The following LSAMP variants were observed in gnomAD, a reference collection of about 807,000 sequenced individuals.
The protein encoded by LSAMP is limbic system-associated membrane protein.
LSAMP carries 7 observed loss-of-function variants against 38.6 expected under a neutral mutation model. The ratio of observed to expected loss-of-function variants is 0.18; its 90% CI spans 0.10 to 0.34. The LOEUF (loss-of-function observed/expected upper bound fraction) is 0.34. LSAMP is among the 10% of genes least tolerant of loss of function. LSAMP has a pLI of 1.00. For missense variants in LSAMP, 313 were observed against 420.0 expected (o/e 0.75, Z 2.23); for synonymous variants, 154 against 166.8 (o/e 0.92, Z 0.59).
chr3:116,078,673 A>C (rs1430379366), intron 2 of LSAMP, among the ~76,000 whole-genome samples: 1 of 152,134 alleles, frequency 6.6e-6, no homozygotes, highest in Non-Finnish European at 1.5e-5. Context: ...TCAGAATTGT[A>C]ATATATTGTA....
chr3:116,314,645 G>A (rs937625959), intron 1 of LSAMP, among the ~76,000 whole-genome samples: 1 of 152,154 alleles, frequency 6.6e-6, no homozygotes, highest in African/African-American at 2.4e-5. Context: ...AGACAGATAA[G>A]GTAGTTCCAG....
intron 1 of LSAMP, among the ~76,000 whole-genome samples, chr3:116,208,807 G>C (rs1021416154): frequency 6.6e-6 from 1 of 152,192 alleles, no homozygotes; most frequent in African/African-American, 2.4e-5. Context: ...CTTCAGAGCT[G>C]TCAGACAGGG....
At chr3:115,845,971 A>T (rs971467469) in intron 4 of LSAMP, among the ~76,000 whole-genome samples, 4 of 152,160 alleles carry the variant, frequency 2.6e-5, no homozygotes, top group Non-Finnish European at 4.4e-5. Flanking sequence ...AATACTGATA[A>T]ATATACAAAG....
At chr3:116,436,038 T>C (rs1047172778) in intron 1 of LSAMP, among the ~76,000 whole-genome samples, 5 of 152,170 alleles carry the variant, frequency 3.3e-5, no homozygotes, top group African/African-American at 7.2e-5. Flanking sequence ...GTGATCCTTA[T>C]AGAGGTTCTA....
chr3:116,225,981 G>A (rs1043851668), intron 1 of LSAMP, among the ~76,000 whole-genome samples: 3 of 152,038 alleles, frequency 2.0e-5, no homozygotes, highest in Admixed American at 6.6e-5. Context: ...TATGTTCTGT[G>A]CATCTTTCTG....
At chr3:115,870,256 T>C (rs1935994308) in intron 3 of LSAMP, among the ~76,000 whole-genome samples, 2 of 152,150 alleles carry the variant, frequency 1.3e-5, no homozygotes, top group South Asian at 2.1e-4. Context: ...TAACCCATGG[T>C]GTAGAGGAAC....
At chr3:116,022,113 T>A (rs1348131918) in intron 2 of LSAMP, among the ~76,000 whole-genome samples, 1 of 152,158 alleles carries the variant, frequency 6.6e-6, no homozygotes, top group Non-Finnish European at 1.5e-5. Context: ...TCTCTTTCAA[T>A]GGGTCTTACT....
rs146946044 is a variant in LSAMP at position 116,104,063 on chromosome 3, G to C, written c.156-17507C>G. Among the ~76,000 whole-genome samples the C allele has an allele frequency of 3.9e-3, 599 of 152,210 alleles. 3 individuals carry two copies. Among genetic ancestry groups the C allele is most frequent in the African/African-American group, 0.014 (580 of 41,528 alleles). ...ATTAAGTAGAAAGCTTTCTCTAAGT[G>C]AGCCCACGTAGATTTCTTTCCCCAT... On this transcript the variant is annotated intron_variant, in intron 1 of 6. Transcript: ENST00000490035.
chr3:116,312,918 C>A (rs1391819301), intron 1 of LSAMP, among the ~76,000 whole-genome samples: 1 of 151,952 alleles, frequency 6.6e-6, no homozygotes, highest in Non-Finnish European at 1.5e-5. Flanking sequence ...GCATTCCACT[C>A]ATGACATTGC....
At chr3:116,013,543 A>G (rs1025275690) in intron 3 of LSAMP, among the ~76,000 whole-genome samples, 3 of 152,200 alleles carry the variant, frequency 2.0e-5, no homozygotes, top group African/African-American at 7.2e-5. Context: ...GGGAAAGTAT[A>G]TAACTTTCTC....
chr3:116,076,288 C>T (rs893558256), intron 2 of LSAMP, among the ~76,000 whole-genome samples: 2 of 151,952 alleles, frequency 1.3e-5, no homozygotes, highest in Non-Finnish European at 2.9e-5. Context: ...GACGGAGTCT[C>T]GCTCTGTCAC....
In LSAMP at chr3:116,086,308, C is replaced by G. The variant is rs745680639; in HGVS notation, c.388+16G>C. ...CACCTCTTTCTTACCACCCTTCTAT[C>G]CCACACTTTCCTTACCTTGTACGAT... On this transcript the variant is annotated intron_variant, in intron 2 of 6. Coordinates refer to ENST00000490035, the MANE Select transcript of LSAMP (RefSeq NM_002338.5). 1 of 1,602,292 alleles carries G rather than the reference C, an allele frequency of 6.2e-7. No homozygotes were observed. Among genetic ancestry groups the G allele is most frequent in the South Asian group, 1.1e-5 (1 of 90,792 alleles).
At chr3:116,201,318 A>G (rs1204604319) in intron 1 of LSAMP, among the ~76,000 whole-genome samples, 1 of 152,100 alleles carries the variant, frequency 6.6e-6, no homozygotes, top group Admixed American at 6.5e-5. Flanking sequence ...TCCTCTTTAC[A>G]CCAAGCTCAT....
chr3:115,897,979 C>A (rs1000052679), intron 3 of LSAMP, among the ~76,000 whole-genome samples: 1 of 152,106 alleles, frequency 6.6e-6, no homozygotes, highest in East Asian at 1.9e-4. Context: ...CAGCTTTCCA[C>A]GCTGAATTCA....
At chr3:116,030,282 T>G (rs1036205499) in intron 2 of LSAMP, among the ~76,000 whole-genome samples, 4 of 152,164 alleles carry the variant, frequency 2.6e-5, no homozygotes, top group African/African-American at 9.6e-5. Flanking sequence ...GTGTCCATTA[T>G]TGCTGCTTCA....
intron 1 of LSAMP, among the ~76,000 whole-genome samples, chr3:116,301,876 C>T (rs999924312): frequency 6.6e-6 from 1 of 152,282 alleles, no homozygotes; most frequent in Non-Finnish European, 1.5e-5. Context: ...CTTAATCGCT[C>T]CTCCCAGTGA....
intron 1 of LSAMP, among the ~76,000 whole-genome samples, chr3:116,339,200 C>A (rs889965832): frequency 6.6e-6 from 1 of 151,934 alleles, no homozygotes; most frequent in East Asian, 1.9e-4. Context: ...GTAAGTAAAA[C>A]TTGGTGCGTA....
intron 3 of LSAMP, among the ~76,000 whole-genome samples, chr3:115,981,943 A>G (rs999064993): frequency 6.6e-6 from 1 of 152,216 alleles, no homozygotes; most frequent in African/African-American, 2.4e-5. Context: ...AAGGGTAAAA[A>G]TGACAAGAGT....
intron 6 of LSAMP, among the ~76,000 whole-genome samples, chr3:115,818,788 T>TATATATATATATATATATA (rs1559834667): frequency 8.0e-5 from 2 of 24,990 alleles, no homozygotes; most frequent in African/African-American, 9.6e-5. Flanking sequence ...AAAGTTGTAC[T>TATATATATATATATATATA]TTTATATATA....
Sources: gnomAD v4.1 joint callset for allele counts (sites outside exome capture counted in the v4.1 genomes callset) on GRCh38, gnomAD v4.1.1 for gene constraint, MANE v1.5 for transcripts, NCBI Gene and HGNC (gene_info 2026-07-23, HGNC 2026-07-21) for gene names.